Variants in RASEF observed in about 807,000 individuals in gnomAD.
RASEF encodes ras and EF-hand domain-containing protein.
RASEF carries 68 observed loss-of-function variants against 90.1 expected under a neutral mutation model. The observed-to-expected ratio is 0.75, with a 90% CI of 0.62 to 0.92. The LOEUF (loss-of-function observed/expected upper bound fraction) is 0.92, where lower values mean the gene tolerates loss of function less well. RASEF is among the 40% of genes least tolerant of loss of function. RASEF has a pLI of 0.00. For missense variants in RASEF, 949 were observed against 937.2 expected (o/e 1.01, Z -0.16); for synonymous variants, 331 against 345.2 (o/e 0.96, Z 0.46).
the RASEF span, among the ~76,000 whole-genome samples, chr9:83,115,530 T>C: frequency 1.3e-5 from 2 of 152,214 alleles, no homozygotes; most frequent in Admixed American, 1.3e-4. Context: ...AAGGGTGTGA[T>C]AAATGGGCAT....
chr9:83,179,455 T>G, the RASEF span, among the ~76,000 whole-genome samples: 4 of 151,898 alleles, frequency 2.6e-5, no homozygotes, highest in Non-Finnish European at 5.9e-5. Flanking sequence ...TATTTATTTA[T>G]ATCAAGGAAT....
At chr9:83,009,282 C>T (rs73467565) in intron 6 of RASEF, among the ~76,000 whole-genome samples, 3,461 of 151,992 alleles carry the variant, frequency 0.023, 130 homozygotes, top group African/African-American at 0.078. Flanking sequence ...CTAACACACA[C>T]GAAAATAGAC....
the RASEF span, among the ~76,000 whole-genome samples, chr9:83,119,051 A>G: frequency 6.7e-6 from 1 of 149,102 alleles, no homozygotes; most frequent in African/African-American, 2.5e-5. Flanking sequence ...TCTGTTACCC[A>G]ATCTGGAGTG....
At chr9:83,004,335 T>A (rs1276192649) in intron 9 of RASEF, among the ~76,000 whole-genome samples, 163 bp downstream of exon 9, 6 of 152,178 alleles carry the variant, frequency 3.9e-5, no homozygotes. Context: ...CTGAAACACT[T>A]TTAATTTTTA....
chr9:83,143,685 G>C, the RASEF span, among the ~76,000 whole-genome samples: 26 of 152,268 alleles, frequency 1.7e-4, no homozygotes, highest in East Asian at 3.7e-3. Flanking sequence ...TGGAAAAAAG[G>C]GAACCCTTAG....
intron 9 of RASEF, among the ~76,000 whole-genome samples, chr9:83,004,113 T>C (rs1829086474): frequency 6.6e-6 from 1 of 152,192 alleles, no homozygotes; most frequent in Admixed American, 6.5e-5. Flanking sequence ...TATAATATTA[T>C]GCTGAGCTAT....
At chr9:83,017,063 G>A (rs1196693683) in intron 3 of RASEF, among the ~76,000 whole-genome samples, 2 of 152,156 alleles carry the variant, frequency 1.3e-5, no homozygotes, top group African/African-American at 2.4e-5. Context: ...ACATGTGGAT[G>A]AAGACACAGA....
At chr9:83,112,749 T>C in the RASEF span, among the ~76,000 whole-genome samples, 4 of 151,964 alleles carry the variant, frequency 2.6e-5, no homozygotes, top group Non-Finnish European at 5.9e-5. Context: ...AAGTGATCAA[T>C]TGTGAATATG....
At chr9:83,111,816 T>C in the RASEF span, among the ~76,000 whole-genome samples, 17,256 of 151,910 alleles carry the variant, frequency 0.11, 1,044 homozygotes, top group African/African-American at 0.15. Context: ...CTAAAAACAA[T>C]GGAAGAAAGC....
upstream of RASEF, among the ~76,000 whole-genome samples, chr9:83,067,669 A>G (rs1010562784): frequency 1.3e-5 from 2 of 152,220 alleles, no homozygotes; most frequent in Non-Finnish European, 2.9e-5. Flanking sequence ...AATGTTTCAA[A>G]CAATATCAAA....
chr9:83,057,864 TA>T lies in RASEF; in HGVS notation c.431+4572del, dbSNP rs1249582268. ...ATATATACATATATATATATATATATATATATATTCGTCTTTAAATACCACA... is the reference window on the plus strand; with the variant it reads ...ATATATACATATATATATATATATATTATATATTCGTCTTTAAATACCACA... On this transcript the variant is annotated intron_variant, in intron 1 of 16. Transcript: ENST00000376447. Among the ~76,000 whole-genome samples the T allele has an allele frequency of 3.4e-5, 5 of 147,458 alleles. No homozygotes were observed. In the East Asian group the frequency reaches 9.8e-4, roughly 29 times the overall value.
At chr9:83,093,821 C>G in the RASEF span, among the ~76,000 whole-genome samples, 1 of 152,224 alleles carries the variant, frequency 6.6e-6, no homozygotes, top group Non-Finnish European at 1.5e-5. Context: ...AGAGGAGGCG[C>G]CGAGAGCGAG....
At chr9:82,991,873 A>C (rs1828821689) in intron 15 of RASEF, among the ~76,000 whole-genome samples, 1 of 152,242 alleles carries the variant, frequency 6.6e-6, no homozygotes, top group Admixed American at 6.5e-5. Context: ...TAGCATGTGG[A>C]TTTCATGAGT....
chr9:82,996,995 C>G lies in RASEF; in HGVS notation c.1920+17G>C. On this transcript the variant is annotated intron_variant, in intron 14 of 16. Transcript: ENST00000376447. ...CTTCCTCGTGTAATTTTCTGTTTCT[C>G]CATTATGATTTCTTACCTCAATCAT... 7.1e-7 allele frequency: 1 copy of G among 1,399,820 alleles called. No homozygotes were observed. The highest frequency in any genetic ancestry group is 1.2e-5 in the South Asian group (1 of 86,422). 86.7% of individuals were successfully genotyped at this position (1,399,820 alleles called of 1,614,324 possible). A position where few individuals can be genotyped will look rare whatever the true frequency, so the allele number is the denominator to read the frequency against.
At chr9:83,059,678 C>A (rs2117912444) in intron 1 of RASEF, among the ~76,000 whole-genome samples, 4 of 152,206 alleles carry the variant, frequency 2.6e-5, no homozygotes, top group Admixed American at 2.6e-4. Flanking sequence ...CCTGTCCTCC[C>A]AAATTCTCTT....
At chr9:83,120,265 G>T in the RASEF span, among the ~76,000 whole-genome samples, 1 of 152,312 alleles carries the variant, frequency 6.6e-6, no homozygotes, top group East Asian at 1.9e-4. Flanking sequence ...TATTGAGAGT[G>T]CTGTTCCACA....
the RASEF span, among the ~76,000 whole-genome samples, chr9:83,159,066 G>GAC: frequency 4.6e-5 from 7 of 151,794 alleles, no homozygotes; most frequent in African/African-American, 1.7e-4. Context: ...GGTGCCTGTA[G>GAC]TCCCAGCTAC....
At chr9:83,101,340 G>A in the RASEF span, among the ~76,000 whole-genome samples, 1 of 152,212 alleles carries the variant, frequency 6.6e-6, no homozygotes, top group South Asian at 2.1e-4. Flanking sequence ...GGGTCTGCAG[G>A]TGCGGACATT....
chr9:83,001,840 C>T (rs1301936354), intron 9 of RASEF, among the ~76,000 whole-genome samples: 1 of 152,132 alleles, frequency 6.6e-6, no homozygotes. Flanking sequence ...TGATTTGACA[C>T]GTAAGTTTTC....
Sources: allele counts gnomAD v4.1 joint callset (sites outside exome capture counted in the v4.1 genomes callset), GRCh38; gene constraint gnomAD v4.1.1; transcripts MANE v1.5; gene names NCBI Gene and HGNC (gene_info 2026-07-23, HGNC 2026-07-21).